The following UGT1A4 variants were observed in gnomAD, a reference collection of about 807,000 sequenced individuals.
UGT1A4 encodes UDP glucuronosyltransferase family 1 member A4.
Under a neutral mutation model 41.1 loss-of-function variants are expected in UGT1A4, and 32 were observed. The observed-to-expected ratio is 0.78, with a 90% CI of 0.59 to 1.05. The LOEUF (loss-of-function observed/expected upper bound fraction) is 1.05, where lower values mean the gene tolerates loss of function less well. Among genes scored for constraint, UGT1A4 ranks in the 50% least tolerant of loss-of-function variants. The pLI, the probability that UGT1A4 is intolerant of heterozygous loss-of-function variation, is 0.00. For missense variants in UGT1A4, 748 were observed against 677.4 expected (o/e 1.10, Z -1.16); for synonymous variants, 283 against 265.1 (o/e 1.07, Z -0.66).
Position 233,729,529 on chromosome 2 carries a change from G to A in UGT1A4, c.867+9842G>A, listed in dbSNP as rs764609992. 2.5e-6 allele frequency: 4 copies of A among 1,614,202 alleles called. No homozygotes were observed. The South Asian group carries it at 3.3e-5, about 13-fold the overall frequency. On this transcript the variant is annotated intron_variant, in intron 1 of 4. Coordinates refer to ENST00000373409, the MANE Select transcript of UGT1A4 (RefSeq NM_007120.3). ...GTCTTGTGTGGAGCTACTACATAAT[G>A]AGGCCCTGATCAGGCACCTGAATGC...
At chr2:233,737,942 T>G (rs866502344) in intron 1 of UGT1A4, among the ~76,000 whole-genome samples, 1 of 152,150 alleles carries the variant, frequency 6.6e-6, no homozygotes, top group Non-Finnish European at 1.5e-5. Flanking sequence ...GTCCATTGAC[T>G]GTTTCCCAAC....
intron 4 of UGT1A4, chr2:233,770,529 A>G (rs986919893): frequency 6.6e-6 from 1 of 152,118 alleles, no homozygotes; most frequent in Non-Finnish European, 1.5e-5. Flanking sequence ...ATGGTGGTGT[A>G]TGCCTGTAAT....
Position 233,769,854 on chromosome 2 carries a change from T to C in UGT1A4, c.1307+1415T>C. 2.3e-6 allele frequency: 1 copy of C among 426,358 alleles called. No homozygotes were observed. The highest frequency in any genetic ancestry group is 3.7e-6 in the Non-Finnish European group (1 of 266,722). 26.4% of individuals were successfully genotyped at this position (426,358 alleles called of 1,614,324 possible). On this transcript the variant is annotated intron_variant, in intron 4 of 4. Transcript: ENST00000373409. The surrounding 1 kb of genome is among the most constrained non-coding windows in gnomAD (Gnocchi z 4.4). ...ACCTGGGCAACAGAGTGAGACCCTGTCTCAAAAAAAAAAAAAAAAATGAAA... is the reference window on the plus strand; with the variant it reads ...ACCTGGGCAACAGAGTGAGACCCTGCCTCAAAAAAAAAAAAAAAAATGAAA...
At chr2:233,731,619 C>A (rs527896427) in intron 1 of UGT1A4, among the ~76,000 whole-genome samples, 1 of 152,252 alleles carries the variant, frequency 6.6e-6, no homozygotes, top group South Asian at 2.1e-4. Context: ...TGAACTCATC[C>A]TTTTTTATGG....
intron 4 of UGT1A4, 105 bp downstream of exon 4, chr2:233,768,544 T>TA: frequency 7.0e-7 from 1 of 1,425,890 alleles, no homozygotes; most frequent in East Asian, 2.6e-5. Flanking sequence ...GTTTCAAATA[T>TA]AAAAACAAAT....
chr2:233,731,811 GGCTGTGTCAAAT>G (rs1424533817), intron 1 of UGT1A4, among the ~76,000 whole-genome samples: 1 of 152,090 alleles, frequency 6.6e-6, no homozygotes, highest in Non-Finnish European at 1.5e-5. Flanking sequence ...GTAATGGTAT[GGCTGTGTCAAAT>G]GGTATTTCTA....
At chr2:233,729,220 T>C (rs754967236) in intron 1 of UGT1A4, 8 of 1,613,996 alleles carry the variant, frequency 5.0e-6, no homozygotes, top group Admixed American at 3.3e-5. Context: ...TGGAAAGGTG[T>C]TGGTGGTGCC....
At position 233,773,123 on chromosome 2, in the gene UGT1A4, A is replaced by G. The variant is rs1700567243; in HGVS notation, c.*564A>G. On this transcript the variant is annotated 3_prime_UTR_variant, in exon 5 of 5. Transcript: ENST00000373409. ...GCATATGATTTCTTGCTTTGGGGAA[A>G]AAGAATGATGCTATGAAATTGGTGG... 6.4e-6 allele frequency: 1 copy of G among 155,124 alleles called. No homozygotes were observed. The highest frequency in any genetic ancestry group is 1.4e-5 in the Non-Finnish European group (1 of 69,730). The allele number at this position is 155,124 out of a possible 1,614,324, so 9.6% of individuals were successfully genotyped here. A position where few individuals can be genotyped will look rare whatever the true frequency, so the allele number is the denominator to read the frequency against.
At chr2:233,742,996 A>G in intron 1 of UGT1A4, 1 of 237,696 alleles carries the variant, frequency 4.2e-6, no homozygotes, top group South Asian at 5.8e-5. Context: ...AGCAAATTGC[A>G]TACAGATATT....
chr2:233,760,507 T>C (rs1199756469), intron 1 of UGT1A4: 2 of 1,614,154 alleles, frequency 1.2e-6, no homozygotes, highest in South Asian at 1.1e-5. Context: ...CGGAGCATTT[T>C]ACACCTTGAA....
Position 233,748,846 on chromosome 2 carries a change from G to A in UGT1A4, c.868-18188G>A, listed in dbSNP as rs117649476. ...CTAGGGAGGAGATAAAACTGTGAGC[G>A]TATAAGCCCAGTTAAGCTGGGGACG... On this transcript the variant is annotated intron_variant, in intron 1 of 4. Transcript: ENST00000373409. Among the ~76,000 whole-genome samples, 30 of 151,478 alleles carry A rather than the reference G, an allele frequency of 2.0e-4. 1 individual carries two copies. The East Asian group carries it at 5.4e-3, about 27-fold the overall frequency.
At chr2:233,767,540 C>G (rs570115667) in intron 2 of UGT1A4, among the ~76,000 whole-genome samples, 2 of 152,230 alleles carry the variant, frequency 1.3e-5, no homozygotes, top group Non-Finnish European at 2.9e-5. Flanking sequence ...CATTTCTGCT[C>G]TTATAGTTCT....
chr2:233,772,380 C>A lies in UGT1A4; in HGVS notation c.1426C>A (p.Arg476Ser), dbSNP rs566674185. ...GAGGCACAAGGGCGCGCCACACCTG[C>A]GCCCCGCAGCCCACGACCTCACCTG... ...VMRHKGAPHL[R>S]PAAHDLTWYQ... Residue 476 changes from arginine to serine, a missense_variant, in exon 5 of 5, where the codon CGC becomes AGC. Transcript: ENST00000373409. The A allele has an allele frequency of 6.2e-7, 1 of 1,614,262 alleles. No homozygotes were observed. The highest frequency in any genetic ancestry group is 1.1e-5 in the South Asian group (1 of 91,086).
chr2:233,769,634 G>A lies in UGT1A4; in HGVS notation c.1307+1195G>A. 2 of 1,610,964 alleles carry A rather than the reference G, an allele frequency of 1.2e-6. No individual in the cohort carries two copies. The highest frequency in any genetic ancestry group is 1.1e-5 in the South Asian group (1 of 90,734). On this transcript the variant is annotated intron_variant, in intron 4 of 4. Transcript: ENST00000373409. The surrounding 1 kb of genome is among the most constrained non-coding windows in gnomAD (Gnocchi z 4.4). ...CCAGCTTGAGCAAGGGACAACAGGG[G>A]AGGACTGATGACTGACTTCCCACCT...
At chr2:233,766,402 C>T (rs1334615620) in intron 1 of UGT1A4, among the ~76,000 whole-genome samples, 1 of 152,212 alleles carries the variant, frequency 6.6e-6, no homozygotes, top group African/African-American at 2.4e-5. Context: ...TTGCGTCCCT[C>T]CGCTGATGTG....
chr2:233,746,887 A>T (rs765200684), intron 1 of UGT1A4, among the ~76,000 whole-genome samples: 2 of 151,818 alleles, frequency 1.3e-5, no homozygotes, highest in African/African-American at 2.4e-5. Flanking sequence ...ACAGAGAAGT[A>T]GGAGGCTGTG....
intron 1 of UGT1A4, chr2:233,729,303 G>T: frequency 6.2e-7 from 1 of 1,614,236 alleles, no homozygotes; most frequent in South Asian, 1.1e-5. Context: ...ACCAGGCAGT[G>T]GTCCTCACCC....
intron 1 of UGT1A4, chr2:233,729,362 C>G (rs777664797): frequency 6.2e-7 from 1 of 1,614,044 alleles, no homozygotes; most frequent in Non-Finnish European, 8.5e-7. Context: ...ACCCTGACAA[C>G]CTATGCCATT....
chr2:233,755,783 C>G (rs142854795), intron 1 of UGT1A4: 1,687 of 152,656 alleles, frequency 0.011, 25 homozygotes, highest in Non-Finnish European at 0.017. Flanking sequence ...TTATGCCTAT[C>G]ATATGTACTG....
Sources: allele counts gnomAD v4.1 joint callset (sites outside exome capture counted in the v4.1 genomes callset), GRCh38; gene constraint gnomAD v4.1.1; non-coding constraint Gnocchi (gnomAD v3.1); transcripts MANE v1.5; gene names NCBI Gene and HGNC (gene_info 2026-07-23, HGNC 2026-07-21).